The following FOXO3 variants were observed in gnomAD, a reference collection of about 807,000 sequenced individuals.
FOXO3 encodes forkhead box protein O3.
Under a neutral mutation model 41.9 loss-of-function variants are expected in FOXO3, and 4 were observed. That is an observed-to-expected ratio of 0.10 (90% CI 0.05 to 0.22). The LOEUF is 0.22. Ranked by LOEUF, FOXO3 falls within the 10% of genes least tolerant of loss-of-function variation. The probability of loss-of-function intolerance (pLI) is 1.00; values close to 1 mark genes in which losing one functional copy is unlikely to be tolerated. For synonymous variants in FOXO3, 318 were observed against 389.3 expected, an observed-to-expected ratio of 0.82 and a Z score of 2.16; for missense variants, 534 against 906.8, an observed-to-expected ratio of 0.59 and a Z score of 5.28.
chr6:108,632,981 T>C (rs1371366184), intron 1 of FOXO3, among the ~76,000 whole-genome samples: 3 of 152,186 alleles, frequency 2.0e-5, no homozygotes, highest in Admixed American at 6.5e-5. Flanking sequence ...TAAATTTTTT[T>C]TTTCCATAAG....
chr6:108,587,530 C>T, intron 1 of FOXO3, among the ~76,000 whole-genome samples: 1 of 152,170 alleles, frequency 6.6e-6, no homozygotes, highest in East Asian at 1.9e-4. Flanking sequence ...TATGTGTGCA[C>T]ACACAAATAC....
At chr6:108,646,969 T>C (rs1327793109) in intron 1 of FOXO3, among the ~76,000 whole-genome samples, 2 of 152,256 alleles carry the variant, frequency 1.3e-5, no homozygotes, top group Non-Finnish European at 2.9e-5. Flanking sequence ...CCATATCTTA[T>C]GTACCTTCCC....
rs149602708 is a variant in FOXO3, at chr6:108,652,389, A to G, written c.622-11066A>G. Among the ~76,000 whole-genome samples, 822 of 152,246 alleles carry G rather than the reference A, an allele frequency of 5.4e-3. 2 individuals carry two copies. Among genetic ancestry groups the G allele is most frequent in the Middle Eastern group, 0.014 (4 of 294 alleles). ...GCTTCATGGCTTATCATTTTTCCAC[A>G]TTTTCCATCCCTTTCATAAGCCTAG... On this transcript the variant is annotated intron_variant, in intron 1 of 2. Coordinates refer to ENST00000406360, the MANE Select transcript of FOXO3 (RefSeq NM_001455.4).
chr6:108,656,561 A>C, intron 1 of FOXO3: 1 of 963,694 alleles, frequency 1.0e-6, no homozygotes, highest in Non-Finnish European at 1.2e-6. Flanking sequence ...TTATGATGTC[A>C]CTGCTTCCGT....
At position 108,560,918 on chromosome 6, in the gene FOXO3, G is replaced by C. The variant is rs1775762551; in HGVS notation, c.-291G>C. The C allele has an allele frequency of 8.1e-7, 1 of 1,238,724 alleles. No individual in the cohort carries two copies. The highest frequency in any genetic ancestry group is 1.6e-5 in the African/African-American group (1 of 63,334). The allele number at this position is 1,238,724 out of a possible 1,614,324, so 76.7% of individuals were successfully genotyped here. Reference sequence around the variant, plus strand: ...TCCATCGCGGCCTGGCCGGGGGGCGGTGTCTGCTGCGCCAGGTTCGCTGGC... The same window carrying C: ...TCCATCGCGGCCTGGCCGGGGGGCGCTGTCTGCTGCGCCAGGTTCGCTGGC... On this transcript the variant is annotated 5_prime_UTR_variant, in exon 1 of 3. Transcript: ENST00000406360.
Position 108,684,312 on chromosome 6 carries a change from C to T in FOXO3, c.*4520C>T, listed in dbSNP as rs1770982039. The T allele has an allele frequency of 6.6e-6, 1 of 152,372 alleles. No individual in the cohort carries two copies. The highest frequency in any genetic ancestry group is 2.1e-4 in the South Asian group (1 of 4,830). 9.4% of individuals were successfully genotyped at this position (152,372 alleles called of 1,614,324 possible). Reference sequence around the variant, plus strand: ...AAATGTATTGTGCATTTTGGCTTCACATGTTTAACTTTTTTTAAGAAAAAA... The same window carrying T: ...AAATGTATTGTGCATTTTGGCTTCATATGTTTAACTTTTTTTAAGAAAAAA... On this transcript the variant is annotated 3_prime_UTR_variant, in exon 3 of 3. Coordinates refer to ENST00000406360, the MANE Select transcript of FOXO3 (RefSeq NM_001455.4).
chr6:108,626,247 G>A (rs1480257559), intron 1 of FOXO3, among the ~76,000 whole-genome samples: 5 of 152,146 alleles, frequency 3.3e-5, no homozygotes, highest in Non-Finnish European at 7.3e-5. Context: ...GACAGGTAAG[G>A]CATATCAGTT....
intron 1 of FOXO3, among the ~76,000 whole-genome samples, chr6:108,617,583 T>A (rs1423791195): frequency 6.6e-6 from 1 of 152,202 alleles, no homozygotes; most frequent in Admixed American, 6.5e-5. Context: ...ATTAAAAACA[T>A]GAAAATTCTC....
At chr6:108,560,760 A>T, upstream of FOXO3, 1 of 258,682 alleles carries the variant, frequency 3.9e-6, no homozygotes, top group Non-Finnish European at 7.2e-6. Flanking sequence ...TGCCCGCTTT[A>T]AAGGCGCGGC....
intron 1 of FOXO3, among the ~76,000 whole-genome samples, chr6:108,577,827 T>C (rs1283491414): frequency 6.6e-6 from 1 of 152,198 alleles, no homozygotes; most frequent in Non-Finnish European, 1.5e-5. Context: ...AAGAGTAAGG[T>C]TGGCTTCTAA....
At chr6:108,631,191 G>A (rs1422379080) in intron 1 of FOXO3, among the ~76,000 whole-genome samples, 3 of 152,160 alleles carry the variant, frequency 2.0e-5, no homozygotes, top group Non-Finnish European at 4.4e-5. Flanking sequence ...ATTCATTTGA[G>A]TGTGTTTTAT....
chr6:108,674,603 C>T (rs894802655), intron 2 of FOXO3, among the ~76,000 whole-genome samples: 2 of 152,078 alleles, frequency 1.3e-5, no homozygotes, highest in South Asian at 2.1e-4. Flanking sequence ...TCAAGGATAG[C>T]GTAGGGAAGG....
At chr6:108,677,440 G>A (rs1033109396) in intron 2 of FOXO3, among the ~76,000 whole-genome samples, 4 of 152,206 alleles carry the variant, frequency 2.6e-5, no homozygotes, top group Non-Finnish European at 5.9e-5. Flanking sequence ...TGCTGTGTTG[G>A]CCCAGCCCAC....
chr6:108,593,304 G>A (rs1225760413), intron 1 of FOXO3, among the ~76,000 whole-genome samples: 1 of 152,210 alleles, frequency 6.6e-6, no homozygotes, highest in Admixed American at 6.5e-5. Flanking sequence ...GGTTGTGTCA[G>A]GTTAATTGGG....
At chr6:108,581,770 A>G (rs1359586056) in intron 1 of FOXO3, among the ~76,000 whole-genome samples, 1 of 152,188 alleles carries the variant, frequency 6.6e-6, no homozygotes, top group Non-Finnish European at 1.5e-5. Flanking sequence ...TCTGTGAACT[A>G]AATCTCCCAA....
intron 1 of FOXO3, among the ~76,000 whole-genome samples, chr6:108,563,558 G>A (rs1775873544): frequency 6.6e-6 from 1 of 152,162 alleles, no homozygotes; most frequent in African/African-American, 2.4e-5. Flanking sequence ...ACATGGATTT[G>A]GGGGTTCGAA....
intron 2 of FOXO3, among the ~76,000 whole-genome samples, chr6:108,670,460 T>C (rs1371538137): frequency 6.6e-6 from 1 of 151,436 alleles, no homozygotes; most frequent in Non-Finnish European, 1.5e-5. Flanking sequence ...ATCCTCAAGA[T>C]AGTCATAGAT....
At chr6:108,570,502 T>G (rs995142906) in intron 1 of FOXO3, among the ~76,000 whole-genome samples, 1 of 152,058 alleles carries the variant, frequency 6.6e-6, no homozygotes. Flanking sequence ...ATTTTATGTT[T>G]TTTTTGTAGA....
intron 1 of FOXO3, among the ~76,000 whole-genome samples, chr6:108,591,996 C>T (rs1333965860): frequency 6.6e-6 from 1 of 151,836 alleles, no homozygotes; most frequent in Non-Finnish European, 1.5e-5. Context: ...ATGTCAAAAA[C>T]ATTGTGAGAG....
Sources: gnomAD v4.1 joint callset for allele counts (sites outside exome capture counted in the v4.1 genomes callset) on GRCh38, gnomAD v4.1.1 for gene constraint, MANE v1.5 for transcripts, NCBI Gene and HGNC (gene_info 2026-07-23, HGNC 2026-07-21) for gene names.